Variants in PLSCR4 observed in about 807,000 individuals in gnomAD.
The protein encoded by PLSCR4 is phospholipid scramblase 4, also known as Ca(2+)-dependent phospholipid scramblase 4.
In PLSCR4, 25 loss-of-function variants were observed where a neutral mutation model predicts 36.3. That is an observed-to-expected ratio of 0.69 (90% CI 0.50 to 0.96). PLSCR4 has a LOEUF of 0.96. Among genes scored for constraint, PLSCR4 ranks in the 40% least tolerant of loss-of-function variants. The pLI, the probability that PLSCR4 is intolerant of heterozygous loss-of-function variation, is 0.00. For synonymous variants in PLSCR4, 122 were observed against 132.9 expected, an observed-to-expected ratio of 0.92 and a Z score of 0.56; for missense variants, 408 against 414.7, an observed-to-expected ratio of 0.98 and a Z score of 0.14.
rs186214008 is a variant in PLSCR4, at chr3:146,195,935, T to C, written c.787-653A>G. On this transcript the variant is annotated intron_variant, in intron 7 of 8. Transcript: ENST00000354952. ...ACTAAGGAAAGTTTCTTGAGTATCA[T>C]AGGAAACATATGAGCAAGCAGTTTT... Among the ~76,000 whole-genome samples the C allele has an allele frequency of 2.0e-5, 3 of 152,266 alleles. No homozygotes were observed. In the East Asian group the frequency reaches 5.8e-4, roughly 29 times the overall value.
rs2034348814 is a variant in PLSCR4 at position 146,206,697 on chromosome 3, G to C, written c.183C>G (p.Tyr61Ter). The C allele has an allele frequency of 6.2e-7, 1 of 1,612,188 alleles. No homozygotes were observed. Among genetic ancestry groups the C allele is most frequent in the African/African-American group, 1.3e-5 (1 of 74,860 alleles). ...GGAAGGTACTGGGTTGCTGTGGACT[G>C]TAGTATCCCATAGGCAAGCCTCCTG... Reference protein sequence around the residue: ...GYPGGLPMGYYSPQQPSTFPL... With the variant: ...GYPGGLPMGY Residue 61 changes from tyrosine to a stop codon, truncating the protein, a stop_gained, in exon 4 of 9, where the codon TAC becomes TAG. Coordinates refer to ENST00000354952, the MANE Select transcript of PLSCR4 (RefSeq NM_020353.3). LOFTEE classifies it high-confidence loss of function.
At chr3:146,231,594 C>A (rs965417642) in intron 1 of PLSCR4, among the ~76,000 whole-genome samples, 1 of 152,144 alleles carries the variant, frequency 6.6e-6, no homozygotes, top group African/African-American at 2.4e-5. Flanking sequence ...TTTTGATATG[C>A]ATTTCTCTGA....
At chr3:146,197,956 A>C (rs1485540982) in intron 6 of PLSCR4, among the ~76,000 whole-genome samples, 1 of 152,184 alleles carries the variant, frequency 6.6e-6, no homozygotes, top group Admixed American at 6.5e-5. Flanking sequence ...AAAATGTACA[A>C]AAATAAATTC....
At position 146,239,682 on chromosome 3, in the gene PLSCR4, G is replaced by A. The variant is rs550573382; in HGVS notation, c.-22+11278C>T. 1.2e-4 allele frequency among the ~76,000 whole-genome samples: 19 copies of A among 152,176 alleles called. No homozygotes were observed. In the East Asian group the frequency reaches 3.1e-3, roughly 25 times the overall value. On this transcript the variant is annotated intron_variant, in intron 1 of 8. Transcript: ENST00000354952. ...GAGAATCACCTGAGGTTGGGAGTTC[G>A]AGACCAGCCTGACCAACACGGAGAA... is the stretch of plus-strand genomic sequence containing the variant.
intron 1 of PLSCR4, among the ~76,000 whole-genome samples, chr3:146,223,044 T>C (rs550254078): frequency 1.3e-5 from 2 of 151,654 alleles, no homozygotes; most frequent in Admixed American, 6.6e-5. Flanking sequence ...GAGAGGAGGA[T>C]AGTGGGGGAA....
chr3:146,221,354 C>T (rs1469559443), intron 2 of PLSCR4, among the ~76,000 whole-genome samples: 1 of 152,090 alleles, frequency 6.6e-6, no homozygotes, highest in Non-Finnish European at 1.5e-5. Flanking sequence ...AGATTCACAA[C>T]ATAACACCAT....
rs772716656 is a variant in PLSCR4 at position 146,243,490 on chromosome 3, ATG to A, written c.-22+7468_-22+7469del. 7.9e-3 allele frequency among the ~76,000 whole-genome samples: 1,202 copies of A among 152,354 alleles called. 5 individuals are homozygous for A. The highest frequency in any genetic ancestry group is 0.012 in the Non-Finnish European group (825 of 68,024). Reference sequence around the variant, plus strand: ...TTCATGCAGAGTTCGGGCACATAAAATGCTGTATAGACTAAGCAACCCTAATC... The same window carrying A: ...TTCATGCAGAGTTCGGGCACATAAAACTGTATAGACTAAGCAACCCTAATC... On this transcript the variant is annotated intron_variant, in intron 1 of 8. Coordinates refer to ENST00000354952, the MANE Select transcript of PLSCR4 (RefSeq NM_020353.3).
chr3:146,240,417 G>C (rs1018948825), intron 1 of PLSCR4, among the ~76,000 whole-genome samples: 1 of 152,098 alleles, frequency 6.6e-6, no homozygotes, highest in South Asian at 2.1e-4. Context: ...AGAAACCCGG[G>C]TAACATCATG....
intron 1 of PLSCR4, among the ~76,000 whole-genome samples, chr3:146,224,689 G>C (rs1042104701): frequency 9.2e-5 from 14 of 152,004 alleles, no homozygotes; most frequent in African/African-American, 3.4e-4. Context: ...ACCCGAGCGG[G>C]TTGCCAATGC....
In PLSCR4 at chr3:146,202,770, G is replaced by A. The variant is rs562789245; in HGVS notation, c.355-1693C>T. 6.6e-5 allele frequency among the ~76,000 whole-genome samples: 10 copies of A among 152,144 alleles called. No individual in the cohort carries two copies. In the South Asian group the frequency reaches 1.9e-3, roughly 28 times the overall value. Reference sequence around the variant, plus strand: ...CCACTGCTTTATCAATTATATTTGTGTAGTATTCTAAAACCTTTGTCATTT... The same window carrying A: ...CCACTGCTTTATCAATTATATTTGTATAGTATTCTAAAACCTTTGTCATTT... On this transcript the variant is annotated intron_variant, in intron 4 of 8. Transcript: ENST00000354952.
At chr3:146,234,975 A>C (rs72992910) in intron 1 of PLSCR4, among the ~76,000 whole-genome samples, 2,129 of 152,294 alleles carry the variant, frequency 0.014, 50 homozygotes, top group African/African-American at 0.049. Flanking sequence ...TTTTGGCCTC[A>C]ATCCAAGTGG....
intron 1 of PLSCR4, among the ~76,000 whole-genome samples, chr3:146,239,262 A>G (rs1334547480): frequency 6.6e-6 from 1 of 152,202 alleles, no homozygotes; most frequent in Non-Finnish European, 1.5e-5. Context: ...AGGGTCCCAT[A>G]AAGGCCAAAA....
intron 1 of PLSCR4, among the ~76,000 whole-genome samples, chr3:146,225,161 CAG>C (rs1019136610): frequency 8.6e-5 from 13 of 152,000 alleles, no homozygotes; most frequent in Admixed American, 2.0e-4. Flanking sequence ...GAGCTAAACA[CAG>C]GGTGCTGATT....
chr3:146,194,055 C>T lies in PLSCR4; in HGVS notation c.*356G>A, dbSNP rs1263584988. On this transcript the variant is annotated 3_prime_UTR_variant, in exon 9 of 9. Coordinates refer to ENST00000354952, the MANE Select transcript of PLSCR4 (RefSeq NM_020353.3). ...TAGAAGCCAGGTTATTTTATGCCAA[C>T]AAAGTCTGCTCTAAAAAGCCTTATT... The T allele has an allele frequency of 2.8e-5, 5 of 176,250 alleles. 1 individual carries two copies. The Admixed American group carries it at 3.1e-4, about 11-fold the overall frequency. The allele number at this position is 176,250 out of a possible 1,614,324, so 10.9% of individuals were successfully genotyped here. A position where few individuals can be genotyped will look rare whatever the true frequency, so the allele number is the denominator to read the frequency against.
chr3:146,211,767 T>C (rs1476976207), intron 3 of PLSCR4, among the ~76,000 whole-genome samples: 1 of 152,162 alleles, frequency 6.6e-6, no homozygotes, highest in African/African-American at 2.4e-5. Context: ...CATTCTTTTG[T>C]ATGTTGATAT....
At chr3:146,245,971 C>A (rs1473182394) in intron 1 of PLSCR4, among the ~76,000 whole-genome samples, 1 of 151,958 alleles carries the variant, frequency 6.6e-6, no homozygotes, top group Non-Finnish European at 1.5e-5. Context: ...CTATAGGGAA[C>A]TGGATAGTTC....
At chr3:146,232,624 T>G (rs2035757596) in intron 1 of PLSCR4, among the ~76,000 whole-genome samples, 1 of 152,194 alleles carries the variant, frequency 6.6e-6, no homozygotes, top group Non-Finnish European at 1.5e-5. Context: ...ATTGCATTCT[T>G]GATTTGGTTC....
At chr3:146,214,273 C>T (rs1223811552) in intron 3 of PLSCR4, among the ~76,000 whole-genome samples, 1 of 52,866 alleles carries the variant, frequency 1.9e-5, no homozygotes, top group East Asian at 4.1e-4. Flanking sequence ...AGGCGCCCGC[C>T]ACTACGCCCG....
intron 1 of PLSCR4, among the ~76,000 whole-genome samples, chr3:146,227,517 T>C (rs2035527860): frequency 6.6e-6 from 1 of 152,232 alleles, no homozygotes; most frequent in African/African-American, 2.4e-5. Flanking sequence ...ATTTCACCAC[T>C]GTAAACAGTG....
Sources: allele counts gnomAD v4.1 joint callset (sites outside exome capture counted in the v4.1 genomes callset), GRCh38; gene constraint gnomAD v4.1.1; transcripts MANE v1.5; gene names NCBI Gene and HGNC (gene_info 2026-07-23, HGNC 2026-07-21).